The following KIRREL3 variants were observed in gnomAD, a reference collection of about 807,000 sequenced individuals.
KIRREL3 encodes kin of IRRE-like protein 3.
A neutral mutation model predicts 89.7 loss-of-function variants in KIRREL3; 36 were observed. The ratio of observed to expected loss-of-function variants is 0.40; its 90% CI spans 0.31 to 0.53. KIRREL3 has a LOEUF of 0.53. Among genes scored for constraint, KIRREL3 ranks in the 20% least tolerant of loss-of-function variants. The probability of loss-of-function intolerance (pLI) is 0.49; values close to 1 mark genes in which losing one functional copy is unlikely to be tolerated. For missense variants in KIRREL3, 864 were observed against 1,056.6 expected (o/e 0.82, Z 2.53); for synonymous variants, 445 against 441.4 (o/e 1.01, Z -0.10).
intron 3 of KIRREL3, among the ~76,000 whole-genome samples, chr11:126,524,963 T>A (rs1317045489): frequency 6.6e-6 from 1 of 152,120 alleles, no homozygotes; most frequent in East Asian, 1.9e-4. Context: ...GAGTTTGAGG[T>A]CATTGGCTCT....
Position 126,729,185 on chromosome 11 carries a change from T to TA in KIRREL3, c.56-166274_56-166273insT, listed in dbSNP as rs1256831584. Among the ~76,000 whole-genome samples the TA allele has an allele frequency of 6.6e-6, 1 of 152,108 alleles. No homozygotes were observed. The highest frequency in any genetic ancestry group is 6.5e-5 in the Admixed American group (1 of 15,274). On this transcript the variant is annotated intron_variant, in intron 1 of 16. Coordinates refer to ENST00000525144, the MANE Select transcript of KIRREL3 (RefSeq NM_032531.4). This position sits in a 1 kb window ranked among gnomAD's most constrained non-coding sequence, Gnocchi z 4.5. ...GTGGTTGGAGCAAAAAGATGAAGAG[T>TA]GAGTCTAAGAGGTCATGAAGAAGGA...
chr11:126,435,898 G>A (rs964476900), intron 12 of KIRREL3, among the ~76,000 whole-genome samples: 32 of 152,134 alleles, frequency 2.1e-4, no homozygotes, highest in African/African-American at 7.0e-4. Context: ...AGAGGCCCAG[G>A]CCCAGCTGAG....
rs1015304856 is a variant in KIRREL3 at position 126,530,882 on chromosome 11, G to A, written c.134-4195C>T. Among the ~76,000 whole-genome samples the A allele has an allele frequency of 1.3e-4, 19 of 151,912 alleles. No individual in the cohort carries two copies. Among genetic ancestry groups the A allele is most frequent in the African/African-American group, 4.4e-4 (18 of 41,328 alleles). ...GTCTGACTTTGTTGCCCAGGCTGGAGTGCAGTGGTGCGATCTCCGCTCATT... is the reference window on the plus strand; with the variant it reads ...GTCTGACTTTGTTGCCCAGGCTGGAATGCAGTGGTGCGATCTCCGCTCATT... On this transcript the variant is annotated intron_variant, in intron 2 of 16. Coordinates refer to ENST00000525144, the MANE Select transcript of KIRREL3 (RefSeq NM_032531.4). The surrounding 1 kb of genome is among the most constrained non-coding windows in gnomAD (Gnocchi z 5.8).
rs1945865733 is a variant in KIRREL3, at chr11:126,890,391, T to G, written c.55+110064A>C. Among the ~76,000 whole-genome samples the G allele has an allele frequency of 6.6e-6, 1 of 152,244 alleles. No individual in the cohort carries two copies. The highest frequency in any genetic ancestry group is 1.5e-5 in the Non-Finnish European group (1 of 68,034). On this transcript the variant is annotated intron_variant, in intron 1 of 16. Transcript: ENST00000525144. This position sits in a 1 kb window ranked among gnomAD's most constrained non-coding sequence, Gnocchi z 5.1. ...GAGACTGAGCAGTCCTGCGTGCTCC[T>G]GTGGTGGCCTAATGTGACCTATTAT...
intron 2 of KIRREL3, among the ~76,000 whole-genome samples, chr11:126,538,776 G>T (rs1215598753): frequency 6.6e-6 from 1 of 152,180 alleles, no homozygotes; most frequent in Non-Finnish European, 1.5e-5. Context: ...AAGTCCCCAG[G>T]TTGGGTGTGG....
At chr11:126,834,726 T>C (rs1272952353) in intron 1 of KIRREL3, among the ~76,000 whole-genome samples, 1 of 152,270 alleles carries the variant, frequency 6.6e-6, no homozygotes, top group Non-Finnish European at 1.5e-5. Flanking sequence ...CACCTCATGC[T>C]GGACTGCATA....
In KIRREL3 at chr11:126,555,613, G is replaced by C. The variant is rs1939645159; in HGVS notation, c.133+7222C>G. ...GGGTAGACACAGGCCCTATGACAGG[G>C]GCCCTGCTTGAGGAGCAGCAGGAAG... is the stretch of plus-strand genomic sequence containing the variant. On this transcript the variant is annotated intron_variant, in intron 2 of 16. Coordinates refer to ENST00000525144, the MANE Select transcript of KIRREL3 (RefSeq NM_032531.4). The surrounding 1 kb of genome is among the most constrained non-coding windows in gnomAD (Gnocchi z 4.2). 6.6e-6 allele frequency among the ~76,000 whole-genome samples: 1 copy of C among 152,150 alleles called. No homozygotes were observed. Among genetic ancestry groups the C allele is most frequent in the Admixed American group, 6.5e-5 (1 of 15,274 alleles).
At chr11:126,862,002 C>T (rs1944721930) in intron 1 of KIRREL3, among the ~76,000 whole-genome samples, 1 of 152,234 alleles carries the variant, frequency 6.6e-6, no homozygotes. Context: ...GGAAAAGGAC[C>T]TCTCCAGCTC....
At chr11:126,992,052 G>A (rs1950047994) in intron 1 of KIRREL3, among the ~76,000 whole-genome samples, 1 of 152,176 alleles carries the variant, frequency 6.6e-6, no homozygotes, top group African/African-American at 2.4e-5. Flanking sequence ...ACAAATGCTA[G>A]TTATCATCAC....
intron 3 of KIRREL3, among the ~76,000 whole-genome samples, chr11:126,524,513 G>A (rs570312914): frequency 4.3e-4 from 65 of 152,236 alleles, no homozygotes; most frequent in South Asian, 2.1e-3. Flanking sequence ...TTCTCCCTCC[G>A]GATCGCTGTA....
intron 4 of KIRREL3, among the ~76,000 whole-genome samples, chr11:126,500,440 A>G (rs1237165377): frequency 6.6e-6 from 1 of 152,208 alleles, no homozygotes; most frequent in Non-Finnish European, 1.5e-5. Context: ...ACATTAATTT[A>G]GTTGAAAAAC....
chr11:126,709,886 G>A lies in KIRREL3; in HGVS notation c.56-146974C>T, dbSNP rs898282346. 3.9e-5 allele frequency among the ~76,000 whole-genome samples: 6 copies of A among 152,212 alleles called. No homozygotes were observed. The South Asian group carries it at 6.2e-4, about 16-fold the overall frequency. ...CTGGAGAGGCTGAGCACTGGGGCAC[G>A]AGGGTAGGTAATGATGTGAGCTACC... On this transcript the variant is annotated intron_variant, in intron 1 of 16. Coordinates refer to ENST00000525144, the MANE Select transcript of KIRREL3 (RefSeq NM_032531.4). The surrounding 1 kb of genome is among the most constrained non-coding windows in gnomAD (Gnocchi z 4.0).
rs915899160 is a variant in KIRREL3 at position 126,526,710 on chromosome 11, G to C, written c.134-23C>G. 1.3e-6 allele frequency: 2 copies of C among 1,549,216 alleles called. No homozygotes were observed. The highest frequency in any genetic ancestry group is 1.7e-6 in the Non-Finnish European group (2 of 1,144,390). ...GGCCTGGGAAGGAGACAAACACAAT[G>C]GTCAGTTATCTGCCGGCTACAGGGG... On this transcript the variant is annotated intron_variant, in intron 2 of 16. Coordinates refer to ENST00000525144, the MANE Select transcript of KIRREL3 (RefSeq NM_032531.4). The surrounding 1 kb of genome is among the most constrained non-coding windows in gnomAD (Gnocchi z 5.7).
At chr11:126,956,988 C>T (rs1444692691) in intron 1 of KIRREL3, among the ~76,000 whole-genome samples, 2 of 152,216 alleles carry the variant, frequency 1.3e-5, no homozygotes, top group Non-Finnish European at 2.9e-5. Flanking sequence ...ATCTGCTTCA[C>T]ATGCACGCGA....
intron 1 of KIRREL3, among the ~76,000 whole-genome samples, chr11:126,910,259 G>T (rs1191442347): frequency 6.6e-6 from 1 of 152,140 alleles, no homozygotes; most frequent in Admixed American, 6.5e-5. Context: ...GCCTTTGATG[G>T]ATACACATAC....
rs747369158 is a variant in KIRREL3, at chr11:126,912,657, A to G, written c.55+87798T>C. 1.6e-4 allele frequency among the ~76,000 whole-genome samples: 24 copies of G among 152,330 alleles called. No homozygotes were observed. Among genetic ancestry groups the G allele is most frequent in the Middle Eastern group, 3.4e-3 (1 of 294 alleles). On this transcript the variant is annotated intron_variant, in intron 1 of 16. Transcript: ENST00000525144. This position sits in a 1 kb window ranked among gnomAD's most constrained non-coding sequence, Gnocchi z 4.7. ...CTTCAAGAGGCCATGCTGGGTAGCA[A>G]TGGGGCTCCTGCCCCTGCTGTTCAT...
In KIRREL3 at chr11:126,843,837, G is replaced by T. The variant is rs76440108; in HGVS notation, c.55+156618C>A. 1.3e-5 allele frequency among the ~76,000 whole-genome samples: 2 copies of T among 151,966 alleles called. No homozygotes were observed. Among genetic ancestry groups the T allele is most frequent in the African/African-American group, 4.8e-5 (2 of 41,334 alleles). Reference sequence around the variant, plus strand: ...CATCCTCACTGCTACACTCCCACCCGTGCCATGACAGTTTACAAATGCCAT... The same window carrying T: ...CATCCTCACTGCTACACTCCCACCCTTGCCATGACAGTTTACAAATGCCAT... On this transcript the variant is annotated intron_variant, in intron 1 of 16. Transcript: ENST00000525144. This position sits in a 1 kb window ranked among gnomAD's most constrained non-coding sequence, Gnocchi z 4.6.
chr11:126,956,765 T>G (rs889458483), intron 1 of KIRREL3, among the ~76,000 whole-genome samples: 1 of 152,124 alleles, frequency 6.6e-6, no homozygotes, highest in African/African-American at 2.4e-5. Flanking sequence ...AATATCCGAG[T>G]GCTTCAGTTT....
At position 126,795,109 on chromosome 11, in the gene KIRREL3, A is replaced by G. The variant is rs1298278684; in HGVS notation, c.55+205346T>C. The stretch of plus-strand genomic sequence containing the variant: ...GGAGGAGAGAGATGAATTGTGGAGC[A>G]CAGGTGTTTGTTAGGGCACTGAAAC... On this transcript the variant is annotated intron_variant, in intron 1 of 16. Coordinates refer to ENST00000525144, the MANE Select transcript of KIRREL3 (RefSeq NM_032531.4). The surrounding 1 kb of genome is among the most constrained non-coding windows in gnomAD (Gnocchi z 4.1). Among the ~76,000 whole-genome samples, 1 of 152,208 alleles carries G rather than the reference A, an allele frequency of 6.6e-6. No homozygotes were observed. The highest frequency in any genetic ancestry group is 1.9e-4 in the East Asian group (1 of 5,194).
Sources: gnomAD v4.1 joint callset for allele counts (sites outside exome capture counted in the v4.1 genomes callset) on GRCh38, gnomAD v4.1.1 for gene constraint, Gnocchi (gnomAD v3.1) non-coding constraint, MANE v1.5 for transcripts, NCBI Gene and HGNC (gene_info 2026-07-23, HGNC 2026-07-21) for gene names.